Variants in PAPPA observed in about 807,000 individuals in gnomAD.
PAPPA encodes the protein pappalysin-1.
In PAPPA, 60 loss-of-function variants were observed where a neutral mutation model predicts 164.0. The observed-to-expected ratio is 0.37, with a 90% CI of 0.30 to 0.45. PAPPA has a LOEUF of 0.45. Among genes scored for constraint, PAPPA ranks in the 20% least tolerant of loss-of-function variants. The probability of loss-of-function intolerance (pLI) is 1.00; values close to 1 mark genes in which losing one functional copy is unlikely to be tolerated. For missense variants in PAPPA, 1,782 were observed against 2,087.3 expected (o/e 0.85, Z 2.85); for synonymous variants, 875 against 814.1 (o/e 1.07, Z -1.27).
At chr9:116,234,711 C>G (rs1376671327) in intron 6 of PAPPA, among the ~76,000 whole-genome samples, 2 of 152,156 alleles carry the variant, frequency 1.3e-5, no homozygotes, top group African/African-American at 4.8e-5. Context: ...TTGTATGAAC[C>G]TGATCGATTC....
chr9:116,206,412 G>A (rs1244078781), intron 2 of PAPPA, among the ~76,000 whole-genome samples: 1 of 152,246 alleles, frequency 6.6e-6, no homozygotes, highest in East Asian at 1.9e-4. Flanking sequence ...AATGATCTGT[G>A]GAGCATCAGG....
At chr9:116,291,039 G>A (rs1845429916) in intron 9 of PAPPA, among the ~76,000 whole-genome samples, 1 of 152,212 alleles carries the variant, frequency 6.6e-6, no homozygotes, top group East Asian at 1.9e-4. Context: ...AAACCCAAAA[G>A]AGAACTGGCT....
rs1325504644 is a variant in PAPPA, at chr9:116,289,252, ATGT to A, written c.2954-13504_2954-13502del. ...TATATAGCATATATATATAGCATAT[ATGT>A]AGCATATATATATAGCATATATATA... On this transcript the variant is annotated intron_variant, in intron 9 of 21. Coordinates refer to ENST00000328252, the MANE Select transcript of PAPPA (RefSeq NM_002581.5). 4.2e-3 allele frequency among the ~76,000 whole-genome samples: 381 copies of A among 91,424 alleles called. 7 individuals carry two copies. The highest frequency in any genetic ancestry group is 0.015 in the African/African-American group (363 of 24,844). 60.0% of individuals were successfully genotyped at this position (91,424 alleles called of 152,430 possible).
At chr9:116,329,572 T>G (rs1845963979) in intron 10 of PAPPA, among the ~76,000 whole-genome samples, 1 of 152,180 alleles carries the variant, frequency 6.6e-6, no homozygotes, top group South Asian at 2.1e-4. Flanking sequence ...ACTACCACCC[T>G]GAATTTGATG....
chr9:116,319,960 T>C (rs1421995438), intron 10 of PAPPA, among the ~76,000 whole-genome samples: 1 of 152,196 alleles, frequency 6.6e-6, no homozygotes, highest in African/African-American at 2.4e-5. Context: ...CATAAGCTTT[T>C]CCCTTAGAAG....
At chr9:116,305,582 T>C (rs539786432) in intron 10 of PAPPA, among the ~76,000 whole-genome samples, 16 of 152,252 alleles carry the variant, frequency 1.1e-4, no homozygotes, top group African/African-American at 3.4e-4. Context: ...AAATAGTAGT[T>C]ATCAAGGTCC....
chr9:116,314,190 C>T (rs899447143), intron 10 of PAPPA, among the ~76,000 whole-genome samples: 32 of 147,662 alleles, frequency 2.2e-4, no homozygotes, highest in African/African-American at 8.0e-4. Flanking sequence ...CCTGCCTCAA[C>T]CTCCCAAGTA....
chr9:116,298,756 T>C (rs955082180), intron 9 of PAPPA, among the ~76,000 whole-genome samples: 4 of 152,242 alleles, frequency 2.6e-5, no homozygotes, highest in Admixed American at 6.5e-5. Flanking sequence ...TGTGTGCACA[T>C]GAATGTGTAT....
chr9:116,311,519 A>G (rs1376081984), intron 10 of PAPPA, among the ~76,000 whole-genome samples: 1 of 152,150 alleles, frequency 6.6e-6, no homozygotes, highest in African/African-American at 2.4e-5. Context: ...CATTTGGGGG[A>G]AGCTTTAAAA....
chr9:116,359,937 C>T (rs1325529506), intron 17 of PAPPA, among the ~76,000 whole-genome samples: 3 of 152,198 alleles, frequency 2.0e-5, no homozygotes, highest in African/African-American at 7.2e-5. Flanking sequence ...GCAAATTTTG[C>T]AACACAAAGT....
intron 19 of PAPPA, among the ~76,000 whole-genome samples, chr9:116,375,235 A>G (rs576013954): frequency 6.6e-6 from 1 of 152,354 alleles, no homozygotes; most frequent in South Asian, 2.1e-4. Context: ...GACTTTTCCC[A>G]TATACCACTT....
intron 21 of PAPPA, among the ~76,000 whole-genome samples, chr9:116,386,564 A>C (rs1242386856): frequency 6.6e-6 from 1 of 152,206 alleles, no homozygotes; most frequent in African/African-American, 2.4e-5. Flanking sequence ...GCCCAAGTTC[A>C]CTTGGCAAAT....
intron 21 of PAPPA, among the ~76,000 whole-genome samples, chr9:116,391,049 A>G (rs1846886005): frequency 6.6e-6 from 1 of 152,234 alleles, no homozygotes; most frequent in Non-Finnish European, 1.5e-5. Context: ...CTTGCCGGAT[A>G]GCATACACGA....
At chr9:116,360,875 TAAAC>T (rs1019743001) in intron 17 of PAPPA, among the ~76,000 whole-genome samples, 31 of 152,120 alleles carry the variant, frequency 2.0e-4, no homozygotes, top group African/African-American at 7.0e-4. Flanking sequence ...AAACAGATGA[TAAAC>T]AAATAGGTAA....
intron 14 of PAPPA, among the ~76,000 whole-genome samples, chr9:116,345,832 C>T (rs1273083707): frequency 6.6e-6 from 1 of 152,128 alleles, no homozygotes; most frequent in Non-Finnish European, 1.5e-5. Context: ...TGTAATGTCC[C>T]AGGTGGGGCT....
chr9:116,245,559 C>T (rs1564197229), intron 7 of PAPPA, among the ~76,000 whole-genome samples: 1 of 152,094 alleles, frequency 6.6e-6, no homozygotes, highest in Non-Finnish European at 1.5e-5. Flanking sequence ...AAGGTAGAAC[C>T]AACAGGACTT....
At chr9:116,309,495 T>C (rs1327177275) in intron 10 of PAPPA, among the ~76,000 whole-genome samples, 7 of 152,144 alleles carry the variant, frequency 4.6e-5, no homozygotes, top group East Asian at 3.9e-4. Flanking sequence ...GGGTATTGTA[T>C]GGATACAAGG....
chr9:116,187,041 GA>G lies in PAPPA; in HGVS notation c.416-110del. On this transcript the variant is annotated intron_variant, in intron 1 of 21. Coordinates refer to ENST00000328252, the MANE Select transcript of PAPPA (RefSeq NM_002581.5). The surrounding 1 kb of genome is among the most constrained non-coding windows in gnomAD (Gnocchi z 4.2). ...CTCCTAGGATCCCACAGAGCAGTTG[GA>G]AAGCGATGAGTCTAGGATAACCTGA... is the stretch of plus-strand genomic sequence containing the variant. The G allele has an allele frequency of 1.3e-6, 1 of 765,592 alleles. No homozygotes were observed. The highest frequency in any genetic ancestry group is 1.9e-5 in the South Asian group (1 of 52,980). The allele number at this position is 765,592 out of a possible 1,614,324, so 47.4% of individuals were successfully genotyped here.
chr9:116,329,413 A>G (rs529272813), intron 10 of PAPPA, among the ~76,000 whole-genome samples: 1 of 152,310 alleles, frequency 6.6e-6, no homozygotes, highest in South Asian at 2.1e-4. Context: ...TAACAGGTGT[A>G]TGCACTACCT....
Sources: gnomAD v4.1 joint callset for allele counts (sites outside exome capture counted in the v4.1 genomes callset) on GRCh38, gnomAD v4.1.1 for gene constraint, Gnocchi (gnomAD v3.1) non-coding constraint, MANE v1.5 for transcripts, NCBI Gene and HGNC (gene_info 2026-07-23, HGNC 2026-07-21) for gene names.